METTL24: variants seen among roughly 807,000 people sequenced by gnomAD.
METTL24 encodes the protein probable methyltransferase-like protein 24.
A neutral mutation model predicts 32.7 loss-of-function variants in METTL24; 29 were observed. The ratio of observed to expected loss-of-function variants is 0.89; its 90% CI spans 0.66 to 1.21. The LOEUF (loss-of-function observed/expected upper bound fraction) is 1.21, where lower values mean the gene tolerates loss of function less well. METTL24 is among the 50% of genes most tolerant of loss of function. The pLI is 0.00. For missense variants in METTL24, 439 were observed against 468.1 expected (o/e 0.94, Z 0.57); for synonymous variants, 163 against 179.5 (o/e 0.91, Z 0.73).
At chr6:110,250,545 C>T (rs1778258677) in intron 4 of METTL24, among the ~76,000 whole-genome samples, 1 of 151,922 alleles carries the variant, frequency 6.6e-6, no homozygotes, top group Admixed American at 6.6e-5. Flanking sequence ...AGACACAATT[C>T]AACCCATAAC....
chr6:110,249,087 C>T (rs549394216), intron 4 of METTL24, among the ~76,000 whole-genome samples: 2 of 151,886 alleles, frequency 1.3e-5, no homozygotes, highest in African/African-American at 2.4e-5. Context: ...AGGAATACAT[C>T]GAAGTATTAA....
intron 4 of METTL24, among the ~76,000 whole-genome samples, chr6:110,293,363 C>T (rs1322809959): frequency 6.6e-6 from 1 of 151,814 alleles, no homozygotes; most frequent in Non-Finnish European, 1.5e-5. Context: ...AACTTTGCTT[C>T]CTTTTTATAT....
intron 4 of METTL24, chr6:110,253,945 AG>A: frequency 6.9e-7 from 1 of 1,451,760 alleles, no homozygotes; most frequent in Non-Finnish European, 9.1e-7. Context: ...AGGGGTGAGG[AG>A]GATGGCAAGT....
At chr6:110,315,310 T>A in intron 3 of METTL24, 32 bp downstream of exon 3, 2 of 1,612,886 alleles carry the variant, frequency 1.2e-6, no homozygotes, top group Non-Finnish European at 1.7e-6. Flanking sequence ...GCAGTGTTTG[T>A]GTTTTCTTCT....
chr6:110,249,715 A>G (rs937350013), intron 4 of METTL24, among the ~76,000 whole-genome samples: 1 of 152,022 alleles, frequency 6.6e-6, no homozygotes. Flanking sequence ...AAATCATACA[A>G]ATTATTAGAT....
intron 4 of METTL24, among the ~76,000 whole-genome samples, chr6:110,248,075 C>A (rs1289703331): frequency 6.6e-6 from 1 of 151,602 alleles, no homozygotes; most frequent in Non-Finnish European, 1.5e-5. Flanking sequence ...CCTCTACCCC[C>A]CTCTCTCTTG....
intron 4 of METTL24, among the ~76,000 whole-genome samples, chr6:110,249,230 A>T (rs918850663): frequency 3.3e-5 from 5 of 152,046 alleles, no homozygotes; most frequent in African/African-American, 9.6e-5. Context: ...GAGCAAATCA[A>T]AGGGAACCAA....
chr6:110,323,960 G>A (rs1771975963), intron 1 of METTL24, among the ~76,000 whole-genome samples: 1 of 152,164 alleles, frequency 6.6e-6, no homozygotes, highest in African/African-American at 2.4e-5. Context: ...GTCAGGTACT[G>A]TGGTGGGAAC....
chr6:110,332,268 T>C (rs995924277), intron 1 of METTL24, among the ~76,000 whole-genome samples: 9 of 151,918 alleles, frequency 5.9e-5, no homozygotes, highest in African/African-American at 1.5e-4. Context: ...CTAAACAAAT[T>C]TGAGTTGGAG....
In METTL24 at chr6:110,244,899, G is replaced by C. The variant is rs1047893124; in HGVS notation, c.*1047C>G. On this transcript the variant is annotated 3_prime_UTR_variant, in exon 5 of 5. Transcript: ENST00000338882. ...TACTTCAGTGAGGAGAGCACAGACCGAAGGAGCCAGATGGAAACCAGAATA... is the reference window on the plus strand; with the variant it reads ...TACTTCAGTGAGGAGAGCACAGACCCAAGGAGCCAGATGGAAACCAGAATA... 2.0e-5 allele frequency among the ~76,000 whole-genome samples: 3 copies of C among 152,128 alleles called. No individual in the cohort carries two copies. In the East Asian group the frequency reaches 5.8e-4, roughly 29 times the overall value.
chr6:110,298,290 A>G (rs1267481661), intron 4 of METTL24, among the ~76,000 whole-genome samples: 3 of 152,240 alleles, frequency 2.0e-5, no homozygotes, highest in African/African-American at 7.2e-5. Flanking sequence ...ATACTACACT[A>G]AAAATTGCTT....
Position 110,308,680 on chromosome 6 carries a change from C to T in METTL24, c.557+6662G>A, listed in dbSNP as rs112336816. ...ATTCATAAACACCAAAAAGTGGAAACAACCCAAATGTCTATCAACCAATGA... is the reference window on the plus strand; with the variant it reads ...ATTCATAAACACCAAAAAGTGGAAATAACCCAAATGTCTATCAACCAATGA... On this transcript the variant is annotated intron_variant, in intron 3 of 4. Transcript: ENST00000338882. Among the ~76,000 whole-genome samples, 693 of 152,236 alleles carry T rather than the reference C, an allele frequency of 4.6e-3. 8 individuals are homozygous for T. The highest frequency in any genetic ancestry group is 0.016 in the African/African-American group (674 of 41,530).
At chr6:110,317,437 T>C (rs937021375) in intron 2 of METTL24, among the ~76,000 whole-genome samples, 1 of 152,190 alleles carries the variant, frequency 6.6e-6, no homozygotes, top group Non-Finnish European at 1.5e-5. Flanking sequence ...AGTGTGTTCA[T>C]TGGACCCTGT....
chr6:110,274,816 T>C (rs904701259), intron 4 of METTL24, among the ~76,000 whole-genome samples: 1 of 147,692 alleles, frequency 6.8e-6, no homozygotes, highest in African/African-American at 2.5e-5. Context: ...TTTTTTTTTT[T>C]TTTTGAGACA....
intron 4 of METTL24, among the ~76,000 whole-genome samples, chr6:110,261,988 G>A (rs1384567490): frequency 6.6e-6 from 1 of 152,070 alleles, no homozygotes; most frequent in Non-Finnish European, 1.5e-5. Flanking sequence ...GAAATTTATA[G>A]CACTAAATGC....
intron 4 of METTL24, among the ~76,000 whole-genome samples, chr6:110,295,794 A>AAAGG (rs71018387): frequency 0.086 from 11,720 of 136,228 alleles, 628 homozygotes; most frequent in South Asian, 0.14. Context: ...AGAAAGAAAG[A>AAAGG]AAGGAAGGAA....
intron 4 of METTL24, among the ~76,000 whole-genome samples, chr6:110,270,820 A>C (rs1770943978): frequency 6.6e-6 from 1 of 151,266 alleles, no homozygotes; most frequent in African/African-American, 2.4e-5. Flanking sequence ...GAGAGGAAGA[A>C]CAGCACCATC....
chr6:110,351,974 T>C (rs888567833), intron 1 of METTL24, among the ~76,000 whole-genome samples: 1 of 152,256 alleles, frequency 6.6e-6, no homozygotes, highest in Non-Finnish European at 1.5e-5. Flanking sequence ...TGTTAATTAT[T>C]ATAGGCACAT....
At chr6:110,250,753 C>T (rs1348354156) in intron 4 of METTL24, among the ~76,000 whole-genome samples, 1 of 152,208 alleles carries the variant, frequency 6.6e-6, no homozygotes, top group East Asian at 1.9e-4. Context: ...CGCCAAGTGC[C>T]AAACCCAAGG....
Sources: gnomAD v4.1 joint callset for allele counts (sites outside exome capture counted in the v4.1 genomes callset) on GRCh38, gnomAD v4.1.1 for gene constraint, MANE v1.5 for transcripts, NCBI Gene and HGNC (gene_info 2026-07-23, HGNC 2026-07-21) for gene names.